TMEM132C: variants seen among roughly 807,000 people sequenced by gnomAD.
TMEM132C encodes the protein protein phosphatase 1, regulatory subunit 152.
A neutral mutation model predicts 61.4 loss-of-function variants in TMEM132C; 29 were observed. The observed-to-expected ratio is 0.47, with a 90% confidence interval of 0.35 to 0.64. TMEM132C has a LOEUF of 0.64. Ranked by LOEUF, TMEM132C falls within the 30% of genes least tolerant of loss-of-function variation. The pLI is 0.00. For missense variants in TMEM132C, 1,408 were observed against 1,476.9 expected, an observed-to-expected ratio of 0.95 and a Z score of 0.76; for synonymous variants, 656 against 633.1, an observed-to-expected ratio of 1.04 and a Z score of -0.54.
chr12:128,591,543 C>G (rs1875749744), intron 3 of TMEM132C, among the ~76,000 whole-genome samples: 1 of 152,178 alleles, frequency 6.6e-6, no homozygotes, highest in Non-Finnish European at 1.5e-5. Flanking sequence ...TGAATAAATG[C>G]TGCTAGAAAC....
intron 1 of TMEM132C, chr12:128,404,955 G>C (rs1875289319): frequency 7.8e-6 from 1 of 127,588 alleles, no homozygotes; most frequent in Admixed American, 8.1e-5. Context: ...TGGATAAACA[G>C]GAAGGGAGAC....
At chr12:128,389,812 A>T (rs978263457) in intron 1 of TMEM132C, among the ~76,000 whole-genome samples, 1 of 152,194 alleles carries the variant, frequency 6.6e-6, no homozygotes, top group Admixed American at 6.5e-5. Context: ...TCACCGCATT[A>T]AGAAGCTTAG....
In TMEM132C at chr12:128,706,647, G is replaced by A; in HGVS notation, c.*352G>A. ...AAAAATGCAACAAGACAAATAAAAAGAGAAATAATCATCTGTTTATATTTC... is the reference window on the plus strand; with the variant it reads ...AAAAATGCAACAAGACAAATAAAAAAAGAAATAATCATCTGTTTATATTTC... On this transcript the variant is annotated 3_prime_UTR_variant, in exon 9 of 9. Transcript: ENST00000435159. 5.4e-6 allele frequency: 1 copy of A among 185,264 alleles called. No individual in the cohort carries two copies. The highest frequency in any genetic ancestry group is 1.1e-5 in the Non-Finnish European group (1 of 90,382). 11.5% of individuals were successfully genotyped at this position (185,264 alleles called of 1,614,324 possible). A position where few individuals can be genotyped will look rare whatever the true frequency, so the allele number is the denominator to read the frequency against.
chr12:128,504,824 T>A (rs980570889), intron 2 of TMEM132C, among the ~76,000 whole-genome samples: 1 of 2,554 alleles, frequency 3.9e-4, no homozygotes. Flanking sequence ...GGGGTGGGGG[T>A]GGGGGTGGGG....
At chr12:128,605,022 A>AATGGATGGATGGATGG (rs3044836) in intron 3 of TMEM132C, among the ~76,000 whole-genome samples, 1 of 149,374 alleles carries the variant, frequency 6.7e-6, no homozygotes, top group Admixed American at 6.7e-5. Flanking sequence ...ATAATAGATG[A>AATGGATGGATGGATGG]ATGGATGGAT....
At position 128,519,512 on chromosome 12, in the gene TMEM132C, C is replaced by T. The variant is rs998631651; in HGVS notation, c.975-24445C>T. On this transcript the variant is annotated intron_variant, in intron 2 of 8. Coordinates refer to ENST00000435159, the MANE Select transcript of TMEM132C (RefSeq NM_001136103.3). Reference sequence around the variant, plus strand: ...ATCAAATCTTTACAAGGCATGTGTCCAGGCTAAAGGAAAAAATGGCCCTTC... The same window carrying T: ...ATCAAATCTTTACAAGGCATGTGTCTAGGCTAAAGGAAAAAATGGCCCTTC... Among the ~76,000 whole-genome samples the T allele has an allele frequency of 3.9e-5, 6 of 152,142 alleles. No homozygotes were observed. The South Asian group carries it at 6.2e-4, about 16-fold the overall frequency.
At chr12:128,553,590 A>G (rs1357470452) in intron 3 of TMEM132C, among the ~76,000 whole-genome samples, 1 of 152,164 alleles carries the variant, frequency 6.6e-6, no homozygotes, top group African/African-American at 2.4e-5. Context: ...TTATTTAGAA[A>G]GCCCCCTATC....
intron 2 of TMEM132C, among the ~76,000 whole-genome samples, chr12:128,431,804 G>A (rs953982536): frequency 2.0e-5 from 3 of 152,062 alleles, no homozygotes; most frequent in East Asian, 3.9e-4. Context: ...TGATTCACCT[G>A]CCTTGGCCCC....
intron 2 of TMEM132C, among the ~76,000 whole-genome samples, chr12:128,486,876 AACACACACACACACACACACACAC>A (rs56407388): frequency 7.6e-6 from 1 of 131,136 alleles, no homozygotes; most frequent in Non-Finnish European, 1.7e-5. Context: ...TGTGCATGCA[AACACACACACACACACACACACAC>A]ACACACACAC....
intron 1 of TMEM132C, among the ~76,000 whole-genome samples, chr12:128,293,471 T>C (rs2135910974): frequency 6.7e-6 from 1 of 148,506 alleles, no homozygotes; most frequent in East Asian, 2.2e-4. Flanking sequence ...GCTACCTCCT[T>C]ACAGAATTTC....
chr12:128,553,551 A>G (rs1402278974), intron 3 of TMEM132C, among the ~76,000 whole-genome samples: 4 of 152,158 alleles, frequency 2.6e-5, no homozygotes, highest in African/African-American at 2.4e-5. Flanking sequence ...TAGCTTTTTA[A>G]ATAACTGATT....
intron 3 of TMEM132C, among the ~76,000 whole-genome samples, chr12:128,597,365 C>G (rs531428503): frequency 6.6e-6 from 1 of 152,084 alleles, no homozygotes; most frequent in African/African-American, 2.4e-5. Flanking sequence ...GTGATCCCAG[C>G]GACTTGGGAG....
At chr12:128,479,110 A>G (rs867756318) in intron 2 of TMEM132C, among the ~76,000 whole-genome samples, 3 of 152,340 alleles carry the variant, frequency 2.0e-5, no homozygotes, top group Middle Eastern at 3.4e-3. Flanking sequence ...AAACTAGTGC[A>G]GGAACAGAAA....
intron 2 of TMEM132C, among the ~76,000 whole-genome samples, chr12:128,463,384 T>C (rs1014971976): frequency 2.6e-5 from 4 of 152,152 alleles, no homozygotes; most frequent in Non-Finnish European, 5.9e-5. Flanking sequence ...AATGACGCGA[T>C]CTCAGCTCAC....
At chr12:128,438,092 T>G (rs1366915213) in intron 2 of TMEM132C, 2 of 152,214 alleles carry the variant, frequency 1.3e-5, no homozygotes, top group African/African-American at 4.8e-5. Flanking sequence ...TTCTGTTAGC[T>G]CTTTTAGTCC....
intron 4 of TMEM132C, among the ~76,000 whole-genome samples, chr12:128,628,780 G>A (rs1308396422): frequency 6.6e-6 from 1 of 152,158 alleles, no homozygotes; most frequent in Admixed American, 6.5e-5. Flanking sequence ...CCACTGCCAA[G>A]CACAGCTCCT....
intron 4 of TMEM132C, among the ~76,000 whole-genome samples, chr12:128,618,553 C>G (rs1876883602): frequency 6.6e-6 from 1 of 152,146 alleles, no homozygotes; most frequent in Non-Finnish European, 1.5e-5. Flanking sequence ...TTGTAGGTCC[C>G]ATAATTCCCA....
At chr12:128,362,668 G>C (rs1322664891) in intron 1 of TMEM132C, among the ~76,000 whole-genome samples, 1 of 152,182 alleles carries the variant, frequency 6.6e-6, no homozygotes, top group African/African-American at 2.4e-5. Flanking sequence ...CTCCAATGAG[G>C]ATTTCCTTTG....
intron 2 of TMEM132C, among the ~76,000 whole-genome samples, chr12:128,488,973 G>A (rs7957166): frequency 0.58 from 87,395 of 151,886 alleles, 25,335 homozygotes; most frequent in African/African-American, 0.62. Flanking sequence ...TTCATGCCAA[G>A]AAAAAAGTTT....
Sources: gnomAD v4.1 joint callset for allele counts (sites outside exome capture counted in the v4.1 genomes callset) on GRCh38, gnomAD v4.1.1 for gene constraint, MANE v1.5 for transcripts, NCBI Gene and HGNC (gene_info 2026-07-23, HGNC 2026-07-21) for gene names.